CACNA2D3: variants seen among roughly 807,000 people sequenced by gnomAD.
The protein encoded by CACNA2D3 is calcium voltage-gated channel auxiliary subunit alpha2delta 3.
CACNA2D3 carries 60 observed loss-of-function variants against 160.6 expected under a neutral mutation model. The ratio of observed to expected loss-of-function variants is 0.37; its 90% confidence interval spans 0.30 to 0.46. The LOEUF (loss-of-function observed/expected upper bound fraction) is 0.46. Among genes scored for constraint, CACNA2D3 ranks in the 20% least tolerant of loss-of-function variants. The pLI is 1.00. For synonymous variants in CACNA2D3, 558 were observed against 492.9 expected (o/e 1.13, Z -1.75); for missense variants, 1,205 against 1,365.0 (o/e 0.88, Z 1.85).
chr3:54,867,545 C>A, intron 17 of CACNA2D3, among the ~76,000 whole-genome samples: 1 of 113,978 alleles, frequency 8.8e-6, no homozygotes, highest in African/African-American at 3.5e-5. Context: ...AAAAAAAAGG[C>A]CTTTAAAAGG....
chr3:54,968,652 A>C, intron 28 of CACNA2D3, 141 bp downstream of exon 28: 1 of 637,818 alleles, frequency 1.6e-6, no homozygotes, highest in East Asian at 2.8e-5. Context: ...ATTACCTTTC[A>C]TTTCACTGCA....
chr3:54,587,822 T>A (rs1851047), intron 9 of CACNA2D3, among the ~76,000 whole-genome samples: 28,606 of 152,098 alleles, frequency 0.19, 3,007 homozygotes, highest in Middle Eastern at 0.27. Flanking sequence ...GTTGATAATT[T>A]AAAAGCACCC....
intron 11 of CACNA2D3, among the ~76,000 whole-genome samples, chr3:54,737,007 C>T (rs1418325078): frequency 6.6e-6 from 1 of 152,186 alleles, no homozygotes; most frequent in African/African-American, 2.4e-5. Context: ...TTTAATCCCT[C>T]TATTTCTTTT....
intron 13 of CACNA2D3, among the ~76,000 whole-genome samples, chr3:54,771,214 A>C (rs1422232314): frequency 6.6e-6 from 1 of 152,182 alleles, no homozygotes; most frequent in Non-Finnish European, 1.5e-5. Context: ...TGTGATTTCC[A>C]TCTAGAAACA....
At chr3:54,907,024 C>T (rs891816168) in intron 27 of CACNA2D3, among the ~76,000 whole-genome samples, 1 of 152,200 alleles carries the variant, frequency 6.6e-6, no homozygotes, top group Non-Finnish European at 1.5e-5. Flanking sequence ...TCTGTGCTCA[C>T]TCTCCAGGAC....
intron 27 of CACNA2D3, among the ~76,000 whole-genome samples, chr3:54,932,857 G>C (rs1701225546): frequency 6.6e-6 from 1 of 152,200 alleles, no homozygotes; most frequent in South Asian, 2.1e-4. Flanking sequence ...CAGGAATAGT[G>C]GGGAGTAGGC....
intron 6 of CACNA2D3, among the ~76,000 whole-genome samples, chr3:54,569,511 G>A (rs1382873554): frequency 6.6e-6 from 1 of 152,222 alleles, no homozygotes; most frequent in Non-Finnish European, 1.5e-5. Context: ...GCCAAGGGAA[G>A]GAGCTGGAGT....
chr3:54,133,824 G>A (rs1191918206), intron 2 of CACNA2D3, among the ~76,000 whole-genome samples: 1 of 152,132 alleles, frequency 6.6e-6, no homozygotes, highest in Non-Finnish European at 1.5e-5. Context: ...ATGGATGATG[G>A]TGTAGGAAAG....
At position 54,346,912 on chromosome 3, in the gene CACNA2D3, A is replaced by G. The variant is rs148958315; in HGVS notation, c.321+26354A>G. Among the ~76,000 whole-genome samples the G allele has an allele frequency of 1.3e-3, 192 of 152,364 alleles. 1 individual carries two copies. Among genetic ancestry groups the G allele is most frequent in the African/African-American group, 4.4e-3 (181 of 41,596 alleles). ...TTTAAATAATTGGAATAAAATGTGC[A>G]CAACATAAAGTTTACCATTTTAACC... On this transcript the variant is annotated intron_variant, in intron 3 of 37. Coordinates refer to ENST00000474759, the MANE Select transcript of CACNA2D3 (RefSeq NM_018398.3).
At chr3:54,828,593 G>A (rs1703795537) in intron 14 of CACNA2D3, among the ~76,000 whole-genome samples, 1 of 152,144 alleles carries the variant, frequency 6.6e-6, no homozygotes, top group African/African-American at 2.4e-5. Context: ...TTTATTAGAA[G>A]AGGACTGTTT....
chr3:54,309,448 A>G (rs2107498000), intron 2 of CACNA2D3, among the ~76,000 whole-genome samples: 1 of 152,326 alleles, frequency 6.6e-6, no homozygotes, highest in South Asian at 2.1e-4. Context: ...TTTTAAGAGT[A>G]TAGACAGTAA....
At chr3:54,527,316 T>C (rs1201053415) in intron 5 of CACNA2D3, among the ~76,000 whole-genome samples, 5 of 152,216 alleles carry the variant, frequency 3.3e-5, no homozygotes, top group African/African-American at 9.6e-5. Flanking sequence ...TCAGTTCATT[T>C]GGGAAGAAAT....
intron 17 of CACNA2D3, among the ~76,000 whole-genome samples, chr3:54,866,361 C>T (rs1699400703): frequency 6.6e-6 from 1 of 152,178 alleles, no homozygotes; most frequent in Admixed American, 6.5e-5. Context: ...AGAGAAGACA[C>T]AGGGCTTCAG....
intron 17 of CACNA2D3, among the ~76,000 whole-genome samples, chr3:54,861,861 C>T (rs1699298382): frequency 6.6e-6 from 1 of 152,160 alleles, no homozygotes; most frequent in Non-Finnish European, 1.5e-5. Context: ...AATATAAGAC[C>T]CAGAGAACTC....
intron 2 of CACNA2D3, among the ~76,000 whole-genome samples, chr3:54,286,592 T>G (rs909027721): frequency 1.3e-5 from 2 of 152,024 alleles, no homozygotes; most frequent in Admixed American, 6.6e-5. Context: ...CACAAAGATA[T>G]TCCTCGAGAA....
At chr3:54,155,160 G>A (rs898583155) in intron 2 of CACNA2D3, among the ~76,000 whole-genome samples, 2 of 152,184 alleles carry the variant, frequency 1.3e-5, no homozygotes, top group Non-Finnish European at 2.9e-5. Context: ...ATAGTGGTCA[G>A]GGTTTAGTGG....
chr3:54,821,840 A>G (rs1262881119), intron 14 of CACNA2D3, among the ~76,000 whole-genome samples: 2 of 151,780 alleles, frequency 1.3e-5, no homozygotes, highest in African/African-American at 2.4e-5. Flanking sequence ...GCGAGGCATC[A>G]TTTATCATTC....
At chr3:54,691,768 T>C (rs1432506171) in intron 11 of CACNA2D3, among the ~76,000 whole-genome samples, 3 of 152,154 alleles carry the variant, frequency 2.0e-5, no homozygotes, top group Non-Finnish European at 4.4e-5. Context: ...GTTTTTAATT[T>C]ATCTATTGTG....
chr3:54,748,172 C>T (rs1461453434), intron 11 of CACNA2D3, among the ~76,000 whole-genome samples: 1 of 152,154 alleles, frequency 6.6e-6, no homozygotes, highest in Non-Finnish European at 1.5e-5. Flanking sequence ...CAGGCAGCAG[C>T]AGCCTATTTT....
Sources: allele counts gnomAD v4.1 joint callset (sites outside exome capture counted in the v4.1 genomes callset), GRCh38; gene constraint gnomAD v4.1.1; transcripts MANE v1.5; gene names NCBI Gene and HGNC (gene_info 2026-07-23, HGNC 2026-07-21).